Variants in SORCS1 observed in about 807,000 individuals in gnomAD.
SORCS1 encodes VPS10 domain-containing receptor SorCS1.
In SORCS1, 60 loss-of-function variants were observed where a neutral mutation model predicts 146.1. The ratio of observed to expected loss-of-function variants is 0.41; its 90% CI spans 0.33 to 0.51. The LOEUF (loss-of-function observed/expected upper bound fraction) is 0.51, where lower values mean the gene tolerates loss of function less well. SORCS1 is among the 20% of genes least tolerant of loss of function. The pLI, the probability that SORCS1 is intolerant of heterozygous loss-of-function variation, is 0.21. For missense variants in SORCS1, 1,352 were observed against 1,487.6 expected, an observed-to-expected ratio of 0.91 and a Z score of 1.50; for synonymous variants, 637 against 584.0, an observed-to-expected ratio of 1.09 and a Z score of -1.31.
chr10:107,072,965 C>T (rs192550605), intron 1 of SORCS1, among the ~76,000 whole-genome samples: 1 of 152,286 alleles, frequency 6.6e-6, no homozygotes, highest in African/African-American at 2.4e-5. Context: ...CCCTTGTGCC[C>T]TAACGCTGCA....
chr10:106,940,287 C>T (rs987133190), intron 2 of SORCS1, among the ~76,000 whole-genome samples: 6 of 152,124 alleles, frequency 3.9e-5, no homozygotes, highest in African/African-American at 1.4e-4. Context: ...GAATTAAACC[C>T]ACAGATGACA....
intron 2 of SORCS1, among the ~76,000 whole-genome samples, chr10:106,846,114 G>A: frequency 1.9e-5 from 1 of 53,408 alleles, no homozygotes; most frequent in Non-Finnish European, 4.4e-5. Context: ...TTCCAATTCT[G>A]TGAAGAAAGT....
intron 6 of SORCS1, among the ~76,000 whole-genome samples, chr10:106,712,972 G>A (rs1479365682): frequency 5.3e-5 from 8 of 152,180 alleles, no homozygotes; most frequent in African/African-American, 1.9e-4. Flanking sequence ...GCCATTGGTT[G>A]TTTTAGAAGA....
intron 9 of SORCS1, among the ~76,000 whole-genome samples, chr10:106,690,591 T>C (rs1853224219): frequency 1.3e-5 from 2 of 152,188 alleles, no homozygotes; most frequent in East Asian, 3.9e-4. Context: ...TGCTTTGTAA[T>C]TCATCTCTGG....
At chr10:106,699,414 G>A (rs551742366) in intron 8 of SORCS1, 21 bp from the exon 9 acceptor site, 198 of 1,587,712 alleles carry the variant, frequency 1.2e-4, no homozygotes, top group Non-Finnish European at 1.5e-4. Context: ...ACACAAGGTC[G>A]TGAAGAGGGA....
chr10:106,817,503 A>G (rs879626517), intron 3 of SORCS1, among the ~76,000 whole-genome samples: 1 of 152,040 alleles, frequency 6.6e-6, no homozygotes. Flanking sequence ...CTTTCCCAAT[A>G]TTCACCCACT....
At chr10:106,764,137 CA>C (rs1859361830) in intron 4 of SORCS1, among the ~76,000 whole-genome samples, 1 of 152,198 alleles carries the variant, frequency 6.6e-6, no homozygotes. Context: ...CACACATCCA[CA>C]AAACCCTATA....
intron 2 of SORCS1, among the ~76,000 whole-genome samples, chr10:106,870,677 A>T (rs1950373565): frequency 6.6e-6 from 1 of 152,336 alleles, no homozygotes; most frequent in Admixed American, 6.5e-5. Context: ...GACTGTATAT[A>T]AAAATCAACT....
In SORCS1 at chr10:106,790,016, A is replaced by G. The variant is rs113092423; in HGVS notation, c.727-13324T>C. ...ATCTCTTGAGAACTCACTCACTATC[A>G]TGAGAATAGTTAGGGTCGGGTGGGG... is the stretch of plus-strand genomic sequence containing the variant. On this transcript the variant is annotated intron_variant, in intron 3 of 25. Coordinates refer to ENST00000263054, the MANE Select transcript of SORCS1 (RefSeq NM_052918.5). Among the ~76,000 whole-genome samples, 1,401 of 152,326 alleles carry G rather than the reference A, an allele frequency of 9.2e-3. 22 individuals carry two copies. The highest frequency in any genetic ancestry group is 0.032 in the African/African-American group (1,332 of 41,574).
intron 23 of SORCS1, among the ~76,000 whole-genome samples, chr10:106,597,918 T>C (rs970211110): frequency 2.2e-4 from 34 of 152,206 alleles, no homozygotes; most frequent in African/African-American, 8.0e-4. Context: ...TGCTAAAATA[T>C]GCAATTGAAA....
intron 1 of SORCS1, among the ~76,000 whole-genome samples, chr10:107,021,642 G>A (rs371868117): frequency 4.0e-5 from 6 of 150,464 alleles, no homozygotes; most frequent in Admixed American, 1.3e-4. Context: ...AATTCACTAA[G>A]AGCAAGTATG....
chr10:106,985,455 G>A (rs866088786), intron 1 of SORCS1, among the ~76,000 whole-genome samples: 10 of 151,920 alleles, frequency 6.6e-5, no homozygotes, highest in Middle Eastern at 3.4e-3. Flanking sequence ...AATGGAAATA[G>A]GAAAGGAAAT....
chr10:106,600,872 A>C (rs1846195857), intron 23 of SORCS1, among the ~76,000 whole-genome samples: 1 of 152,232 alleles, frequency 6.6e-6, no homozygotes, highest in Non-Finnish European at 1.5e-5. Flanking sequence ...AGAGAGTTGG[A>C]GAGACGTCTG....
intron 2 of SORCS1, among the ~76,000 whole-genome samples, chr10:106,878,855 T>C (rs1358300507): frequency 6.6e-6 from 1 of 151,514 alleles, no homozygotes; most frequent in African/African-American, 2.4e-5. Flanking sequence ...GTATTCTTTT[T>C]TAAAAAATTT....
chr10:106,945,251 G>A (rs771267933), intron 2 of SORCS1, among the ~76,000 whole-genome samples: 4 of 152,058 alleles, frequency 2.6e-5, no homozygotes, highest in Non-Finnish European at 5.9e-5. Flanking sequence ...TTTGGATTAT[G>A]ACCTGAAAAA....
rs749134517 is a variant in SORCS1 at position 107,014,278 on chromosome 10, G to GAAA, written c.559-57701_559-57699dup. ...CAAAAAAAAAAAAAAAAAAAGAAAA[G>GAAA]AAAAAAAGAGAGAGAGAGAGAGAGA... On this transcript the variant is annotated intron_variant, in intron 1 of 25. Coordinates refer to ENST00000263054, the MANE Select transcript of SORCS1 (RefSeq NM_052918.5). Among the ~76,000 whole-genome samples, 634 of 138,290 alleles carry GAAA rather than the reference G, an allele frequency of 4.6e-3. 10 individuals are homozygous for GAAA. The highest frequency in any genetic ancestry group is 0.017 in the African/African-American group (589 of 34,982). 90.7% of individuals were successfully genotyped at this position (138,290 alleles called of 152,430 possible).
chr10:106,609,887 T>G (rs1385709454), intron 22 of SORCS1, among the ~76,000 whole-genome samples: 5 of 152,108 alleles, frequency 3.3e-5, no homozygotes, highest in Admixed American at 1.3e-4. Flanking sequence ...CTGGGGGAGT[T>G]GGACAGATAG....
intron 1 of SORCS1, among the ~76,000 whole-genome samples, chr10:106,973,519 T>TG (rs1217886354): frequency 6.6e-6 from 1 of 152,100 alleles, no homozygotes; most frequent in Admixed American, 6.5e-5. Flanking sequence ...GTTCACAACA[T>TG]GGAATAAGAC....
At chr10:106,899,062 C>A (rs963892038) in intron 2 of SORCS1, among the ~76,000 whole-genome samples, 2 of 152,210 alleles carry the variant, frequency 1.3e-5, no homozygotes, top group African/African-American at 4.8e-5. Flanking sequence ...TCAAAATAAT[C>A]TTTCCAGGTA....
Sources: gnomAD v4.1 joint callset for allele counts (sites outside exome capture counted in the v4.1 genomes callset) on GRCh38, gnomAD v4.1.1 for gene constraint, MANE v1.5 for transcripts, NCBI Gene and HGNC (gene_info 2026-07-23, HGNC 2026-07-21) for gene names.